The following CLTC variants were observed in gnomAD, a reference collection of about 807,000 sequenced individuals.
CLTC encodes clathrin heavy chain.
Under a neutral mutation model 195.8 loss-of-function variants are expected in CLTC, and 16 were observed. The observed-to-expected ratio is 0.08, with a 90% CI of 0.06 to 0.12. The LOEUF (loss-of-function observed/expected upper bound fraction) is 0.12, where lower values mean the gene tolerates loss of function less well. Ranked by LOEUF, CLTC falls within the 10% of genes least tolerant of loss-of-function variation. The probability of loss-of-function intolerance (pLI) is 1.00; values close to 1 mark genes in which losing one functional copy is unlikely to be tolerated. For synonymous variants in CLTC, 667 were observed against 689.4 expected (o/e 0.97, Z 0.51); for missense variants, 796 against 2,027.0 (o/e 0.39, Z 11.66).
intron 9 of CLTC, among the ~76,000 whole-genome samples, chr17:59,664,456 TAGG>T (rs1461032178): frequency 6.7e-6 from 1 of 148,906 alleles, no homozygotes; most frequent in East Asian, 2.0e-4. Context: ...GAGGCCAAGG[TAGG>T]AGGATCACTT....
At chr17:59,658,841 A>G (rs1353408462) in intron 6 of CLTC, 1 of 152,216 alleles carries the variant, frequency 6.6e-6, no homozygotes, top group Non-Finnish European at 1.5e-5. Context: ...CAGGAATGCA[A>G]ATAACTATAA....
Position 59,682,344 on chromosome 17 carries a change from A to G in CLTC, c.3516A>G (p.Glu1172=). Residue 1172 remains glutamate (E), a synonymous_variant, in exon 22 of 32, where the codon GAA becomes GAG. Transcript: ENST00000269122. The surrounding 1 kb of genome is among the most constrained non-coding windows in gnomAD (Gnocchi z 6.8). The part of the protein sequence containing the change: ...KKARESYVET[E]LIFALAKTNR... ...CTCGAGAGTCCTATGTGGAGACAGA[A>G]CTGATATTCGCACTGGCTAAAACAA... 6.2e-7 allele frequency: 1 copy of G among 1,614,136 alleles called. No individual in the cohort carries two copies. Among genetic ancestry groups the G allele is most frequent in the African/African-American group, 1.3e-5 (1 of 75,060 alleles).
rs1030516358 is a variant in CLTC, at chr17:59,661,418, C to T, written c.1168-25C>T. ...TTCTCCTTCTTACACTTTCGAAGAGCGTTTAACATTTCTCCTTCTTAAAGG... is the reference window on the plus strand; with the variant it reads ...TTCTCCTTCTTACACTTTCGAAGAGTGTTTAACATTTCTCCTTCTTAAAGG... On this transcript the variant is annotated intron_variant, in intron 7 of 31. Transcript: ENST00000269122. The T allele has an allele frequency of 6.3e-6, 10 of 1,579,900 alleles. No homozygotes were observed. In the East Asian group the frequency reaches 6.7e-5, roughly 11 times the overall value.
chr17:59,654,905 A>T (rs569079812), intron 5 of CLTC, among the ~76,000 whole-genome samples: 1 of 152,222 alleles, frequency 6.6e-6, no homozygotes, highest in Non-Finnish European at 1.5e-5. Context: ...CTAGAGTTTG[A>T]CTTTGTCTGT....
intron 1 of CLTC, among the ~76,000 whole-genome samples, chr17:59,627,442 T>TAGTG (rs2031584671): frequency 1.3e-5 from 2 of 152,230 alleles, no homozygotes; most frequent in Admixed American, 6.5e-5. Context: ...GTCACACAGC[T>TAGTG]AGTGAGCAGT....
Position 59,632,300 on chromosome 17 carries a change from G to A in CLTC, c.43-11976G>A, listed in dbSNP as rs572330435. On this transcript the variant is annotated intron_variant, in intron 1 of 31. Coordinates refer to ENST00000269122, the MANE Select transcript of CLTC (RefSeq NM_004859.4). ...GCAGAATGGCGTGAACCCAGGAGGCGGAGCTTGCAGTGAGCCAAGATAGCT... is the reference window on the plus strand; with the variant it reads ...GCAGAATGGCGTGAACCCAGGAGGCAGAGCTTGCAGTGAGCCAAGATAGCT... Among the ~76,000 whole-genome samples, 8 of 151,218 alleles carry A rather than the reference G, an allele frequency of 5.3e-5. No individual in the cohort carries two copies. In the East Asian group the frequency reaches 1.4e-3, roughly 26 times the overall value.
chr17:59,664,974 G>A, intron 10 of CLTC, 65 bp downstream of exon 10: 1 of 1,584,672 alleles, frequency 6.3e-7, no homozygotes, highest in Non-Finnish European at 8.6e-7. Context: ...CAGCCATGGT[G>A]GTTGACTTGG....
chr17:59,637,698 C>CA (rs35693192), intron 1 of CLTC, among the ~76,000 whole-genome samples: 4,760 of 113,462 alleles, frequency 0.042, 268 homozygotes, highest in African/African-American at 0.14. Context: ...CCTATCTCTA[C>CA]AAAAAAAAAA....
At chr17:59,656,270 A>T (rs552351059) in intron 6 of CLTC, 3 of 351,212 alleles carry the variant, frequency 8.5e-6, no homozygotes, top group African/African-American at 6.6e-5. Context: ...GTATGAATAC[A>T]AAGTCTCTCT....
intron 15 of CLTC, among the ~76,000 whole-genome samples, chr17:59,674,474 T>C (rs568208026): frequency 2.8e-4 from 43 of 152,224 alleles, no homozygotes; most frequent in African/African-American, 9.9e-4. Context: ...ATATAGTATA[T>C]GTGCTTTCAA....
At chr17:59,644,181 A>G in intron 1 of CLTC, 95 bp from the exon 2 acceptor site, 1 of 916,196 alleles carries the variant, frequency 1.1e-6, no homozygotes, top group Non-Finnish European at 1.7e-6. Flanking sequence ...ACCTTGAAGC[A>G]TTAATGTTAA....
rs369228885 is a variant in CLTC at position 59,681,034 on chromosome 17, T to C, written c.3042T>C (p.Asp1014=). 6.2e-7 allele frequency: 1 copy of C among 1,613,964 alleles called. No individual in the cohort carries two copies. Among genetic ancestry groups the C allele is most frequent in the African/African-American group, 1.3e-5 (1 of 74,940 alleles). ...LIELLEKIVL[D]NSVFSEHRNL... is the part of the protein sequence containing the mutation. ...AACTGCTGGAGAAAATTGTCCTTGA[T>C]AACTCTGTATTCAGTGAACACAGGT... Residue 1014 remains aspartate, a synonymous_variant, in exon 19 of 32, where the codon GAT becomes GAC. Coordinates refer to ENST00000269122, the MANE Select transcript of CLTC (RefSeq NM_004859.4). This position sits in a 1 kb window ranked among gnomAD's most constrained non-coding sequence, Gnocchi z 5.0.
chr17:59,669,000 G>T (rs2032789087), intron 14 of CLTC, 60 bp downstream of exon 14: 4 of 1,464,012 alleles, frequency 2.7e-6, no homozygotes, highest in South Asian at 2.7e-5. Context: ...TTCTACAAGG[G>T]TTTGGTCATA....
chr17:59,663,674 G>C (rs916065559), intron 8 of CLTC, among the ~76,000 whole-genome samples, 168 bp from the exon 9 acceptor site: 2 of 152,148 alleles, frequency 1.3e-5, no homozygotes, highest in African/African-American at 4.8e-5. Context: ...ACATTGCTGT[G>C]AACACAAGAT....
chr17:59,687,369 T>C (rs942107600), intron 30 of CLTC, among the ~76,000 whole-genome samples: 9 of 152,168 alleles, frequency 5.9e-5, no homozygotes, highest in African/African-American at 1.9e-4. Flanking sequence ...TGGACCATAA[T>C]AGGACTGTCA....
At chr17:59,686,105 T>G (rs1387685474) in intron 30 of CLTC, among the ~76,000 whole-genome samples, 1 of 152,194 alleles carries the variant, frequency 6.6e-6, no homozygotes, top group Non-Finnish European at 1.5e-5. Flanking sequence ...TTTCTCAAAA[T>G]CAGTTCTTGT....
intron 5 of CLTC, among the ~76,000 whole-genome samples, chr17:59,655,170 C>T (rs1010505352): frequency 2.0e-5 from 3 of 152,000 alleles, no homozygotes; most frequent in Non-Finnish European, 4.4e-5. Context: ...TTCTAGCTTT[C>T]GATTTAAAAA....
chr17:59,664,858 G>A lies in CLTC; in HGVS notation c.1593G>A (p.Gln531=). Residue 531 remains glutamine (Q), a synonymous_variant, in exon 10 of 32, where the codon CAG becomes CAA. Transcript: ENST00000269122. ...VMRISPDQGQ[Q]FAQMLVQDEE... is the part of the protein sequence containing the mutation. Reference sequence around the variant, plus strand: ...GAATCAGTCCAGATCAGGGACAGCAGTTTGCCCAAATGTTAGTTCAAGATG... The same window carrying A: ...GAATCAGTCCAGATCAGGGACAGCAATTTGCCCAAATGTTAGTTCAAGATG... The A allele has an allele frequency of 6.2e-7, 1 of 1,614,090 alleles. No individual in the cohort carries two copies.
At chr17:59,636,971 G>A (rs1294486712) in intron 1 of CLTC, among the ~76,000 whole-genome samples, 2 of 142,890 alleles carry the variant, frequency 1.4e-5, no homozygotes, top group Non-Finnish European at 3.0e-5. Context: ...TAGTAGAGAT[G>A]GGGTTTTGCC....
Sources: gnomAD v4.1 joint callset for allele counts (sites outside exome capture counted in the v4.1 genomes callset) on GRCh38, gnomAD v4.1.1 for gene constraint, Gnocchi (gnomAD v3.1) non-coding constraint, MANE v1.5 for transcripts, NCBI Gene and HGNC (gene_info 2026-07-23, HGNC 2026-07-21) for gene names.